The following IL7 variants were observed in gnomAD, a reference collection of about 807,000 sequenced individuals.
IL7 encodes interleukin-7.
In IL7, 3 loss-of-function variants were observed where a neutral mutation model predicts 21.6. That is an observed-to-expected ratio of 0.14 (90% confidence interval 0.06 to 0.36). The LOEUF is 0.36. Ranked by LOEUF, IL7 falls within the 10% of genes least tolerant of loss-of-function variation. IL7 has a pLI of 1.00. For missense variants in IL7, 175 were observed against 200.2 expected (o/e 0.87, Z 0.76); for synonymous variants, 62 against 68.1 (o/e 0.91, Z 0.44).
intron 4 of IL7, among the ~76,000 whole-genome samples, chr8:78,681,901 C>CTTTTTT (rs56181953): frequency 1.2e-4 from 15 of 126,466 alleles, no homozygotes; most frequent in Non-Finnish European, 1.5e-4. Context: ...CTTTTTCTTT[C>CTTTTTT]TTTTTTTTTT....
intron 3 of IL7, among the ~76,000 whole-genome samples, chr8:78,697,779 A>G (rs2130544967): frequency 6.6e-6 from 1 of 151,868 alleles, no homozygotes; most frequent in South Asian, 2.1e-4. Context: ...CCCAGGTTCA[A>G]ATGATTCTCC....
intron 3 of IL7, among the ~76,000 whole-genome samples, chr8:78,700,281 G>T (rs1810557403): frequency 6.6e-6 from 1 of 151,894 alleles, no homozygotes; most frequent in African/African-American, 2.4e-5. Flanking sequence ...AAAAGTGTCT[G>T]TTCATGTCTG....
intron 2 of IL7, among the ~76,000 whole-genome samples, chr8:78,791,462 A>G (rs1028285720): frequency 6.6e-6 from 1 of 152,132 alleles, no homozygotes; most frequent in African/African-American, 2.4e-5. Context: ...CAACATGGCA[A>G]AAACCCATCT....
rs146492124 is a variant in IL7, at chr8:78,689,273, A to G, written n.215-3326T>C. 42 of 1,599,956 alleles carry G rather than the reference A, an allele frequency of 2.6e-5. No individual in the cohort carries two copies. The highest frequency in any genetic ancestry group is 3.6e-5 in the Non-Finnish European group (42 of 1,172,986). On this transcript the variant is annotated intron_variant and non_coding_transcript_variant, in intron 3 of 4. Coordinates refer to the IL7 transcript ENST00000523959. ...AGGAGATTCAATGAAAATGCAGCTG[A>G]TAGACATATAAATTTCTGTAAAGAA...
rs886765577 is a variant in IL7 at position 78,698,077 on chromosome 8, T to A, written n.215-12130A>T. The stretch of plus-strand genomic sequence containing the variant: ...GTCAGCCCAGTACTTCCTTGATTCT[T>A]TGATCCAGCATTTTCCTCTCATTTT... On this transcript the variant is annotated intron_variant and non_coding_transcript_variant, in intron 3 of 4. Transcript: ENST00000523959. Among the ~76,000 whole-genome samples, 5 of 152,222 alleles carry A rather than the reference T, an allele frequency of 3.3e-5. No individual in the cohort carries two copies. The South Asian group carries it at 1.0e-3, about 32-fold the overall frequency.
intron 3 of IL7, among the ~76,000 whole-genome samples, chr8:78,705,621 T>TACA (rs1259121736): frequency 1.3e-5 from 2 of 152,156 alleles, no homozygotes; most frequent in African/African-American, 4.8e-5. Flanking sequence ...GGTGTGCTGT[T>TACA]GTACCACTTC....
At chr8:78,732,346 CAT>C (rs1563411589), downstream of IL7, among the ~76,000 whole-genome samples, 1 of 152,032 alleles carries the variant, frequency 6.6e-6, no homozygotes, top group Non-Finnish European at 1.5e-5. Context: ...GGTGAAATGT[CAT>C]ATGGGTCAAG....
chr8:78,711,544 T>G (rs1191641768), intron 3 of IL7, among the ~76,000 whole-genome samples: 2 of 152,096 alleles, frequency 1.3e-5, no homozygotes, highest in Non-Finnish European at 2.9e-5. Context: ...GTACATGTTA[T>G]TTAGTCAATT....
intron 2 of IL7, among the ~76,000 whole-genome samples, chr8:78,747,744 A>G (rs1242928108): frequency 6.6e-6 from 1 of 152,210 alleles, no homozygotes; most frequent in Non-Finnish European, 1.5e-5. Flanking sequence ...TACAACAGGG[A>G]TCAAAATCAT....
chr8:78,689,367 A>G, intron 3 of IL7: 1 of 1,582,184 alleles, frequency 6.3e-7, no homozygotes, highest in Non-Finnish European at 8.6e-7. Flanking sequence ...CTTCTCGGAC[A>G]CAGGTGGTAA....
chr8:78,731,001 C>T (rs541403604), downstream of IL7, among the ~76,000 whole-genome samples: 74 of 151,958 alleles, frequency 4.9e-4, no homozygotes, highest in African/African-American at 1.6e-3. Context: ...GCAGTAAGAA[C>T]GTGATGAATG....
At chr8:78,776,615 A>G (rs1180808141) in intron 2 of IL7, among the ~76,000 whole-genome samples, 3 of 152,114 alleles carry the variant, frequency 2.0e-5, no homozygotes, top group African/African-American at 7.2e-5. Flanking sequence ...GGAAATTTAG[A>G]GAGCATTGTT....
intron 4 of IL7, among the ~76,000 whole-genome samples, chr8:78,677,626 A>G (rs1809624400): frequency 6.6e-6 from 1 of 151,580 alleles, no homozygotes; most frequent in African/African-American, 2.4e-5. Flanking sequence ...TCTAGTATCT[A>G]TGTTCAGGCA....
intron 2 of IL7, among the ~76,000 whole-genome samples, chr8:78,772,146 G>A (rs1377644106): frequency 6.6e-6 from 1 of 152,022 alleles, no homozygotes; most frequent in Admixed American, 6.6e-5. Flanking sequence ...TGATTGGCAG[G>A]GCTAGCATGC....
chr8:78,759,065 C>G (rs561453304), intron 2 of IL7, among the ~76,000 whole-genome samples: 4 of 150,330 alleles, frequency 2.7e-5, no homozygotes, highest in Non-Finnish European at 4.4e-5. Context: ...ATTCCCCCCC[C>G]CACCTTTTTT....
At chr8:78,680,497 C>T (rs184664529) in intron 4 of IL7, among the ~76,000 whole-genome samples, 8 of 152,170 alleles carry the variant, frequency 5.3e-5, no homozygotes, top group African/African-American at 1.7e-4. Context: ...GTCGTATGCA[C>T]ATTAAAGTTT....
At chr8:78,750,458 A>G (rs1254169329) in intron 2 of IL7, among the ~76,000 whole-genome samples, 1 of 152,186 alleles carries the variant, frequency 6.6e-6, no homozygotes, top group African/African-American at 2.4e-5. Flanking sequence ...TTGAAGAGCC[A>G]GAGCAAGCAT....
intron 2 of IL7, among the ~76,000 whole-genome samples, chr8:78,749,094 C>G (rs1812079212): frequency 6.6e-6 from 1 of 152,090 alleles, no homozygotes; most frequent in Non-Finnish European, 1.5e-5. Flanking sequence ...TCTGGATGAT[C>G]AATAGTTTCT....
At chr8:78,675,562 A>G (rs1338990316), downstream of IL7, among the ~76,000 whole-genome samples, 4 of 152,142 alleles carry the variant, frequency 2.6e-5, no homozygotes, top group African/African-American at 9.6e-5. Context: ...ATCAGTTTGG[A>G]TATCTTTAAA....
Sources: allele counts gnomAD v4.1 joint callset (sites outside exome capture counted in the v4.1 genomes callset), GRCh38; gene constraint gnomAD v4.1.1; transcripts MANE v1.5; gene names NCBI Gene and HGNC (gene_info 2026-07-23, HGNC 2026-07-21).